DOK6: variants seen among roughly 807,000 people sequenced by gnomAD.
DOK6 encodes docking protein 6.
A neutral mutation model predicts 44.0 loss-of-function variants in DOK6; 22 were observed. That is an observed-to-expected ratio of 0.50 (90% CI 0.36 to 0.71). DOK6 has a LOEUF of 0.71. DOK6 is among the 30% of genes least tolerant of loss of function. DOK6 has a pLI of 0.00. For synonymous variants in DOK6, 166 were observed against 145.5 expected, an observed-to-expected ratio of 1.14 and a Z score of -1.01; for missense variants, 340 against 416.4, an observed-to-expected ratio of 0.82 and a Z score of 1.60.
At chr18:69,838,596 G>A (rs1982117151) in intron 7 of DOK6, among the ~76,000 whole-genome samples, 1 of 152,060 alleles carries the variant, frequency 6.6e-6, no homozygotes, top group Admixed American at 6.5e-5. Flanking sequence ...TAAGCTAAGT[G>A]CCACTATACC....
chr18:69,646,630 T>C (rs576260775), intron 3 of DOK6, among the ~76,000 whole-genome samples: 13 of 152,304 alleles, frequency 8.5e-5, no homozygotes, highest in Non-Finnish European at 1.8e-4. Context: ...GCTAAACTTC[T>C]GCTAATTTTA....
At chr18:69,655,514 A>C (rs1273694825) in intron 3 of DOK6, among the ~76,000 whole-genome samples, 1 of 152,090 alleles carries the variant, frequency 6.6e-6, no homozygotes, top group African/African-American at 2.4e-5. Flanking sequence ...GCATGTTGGG[A>C]GGTCGAGGTG....
intron 2 of DOK6, among the ~76,000 whole-genome samples, chr18:69,569,622 T>C (rs1983066639): frequency 2.0e-5 from 3 of 152,246 alleles, no homozygotes; most frequent in Non-Finnish European, 4.4e-5. Flanking sequence ...TAAAACCAGC[T>C]ATTATGCCTA....
chr18:69,412,415 G>T (rs953245549), intron 1 of DOK6, among the ~76,000 whole-genome samples: 1 of 152,022 alleles, frequency 6.6e-6, no homozygotes, highest in South Asian at 2.1e-4. Flanking sequence ...ACTTTTGAGG[G>T]TTATTTTTTC....
At chr18:69,723,449 T>C (rs1447071355) in intron 5 of DOK6, among the ~76,000 whole-genome samples, 1 of 152,216 alleles carries the variant, frequency 6.6e-6, no homozygotes, top group East Asian at 1.9e-4. Flanking sequence ...GCAAACTCTC[T>C]GATGGGGACA....
intron 5 of DOK6, among the ~76,000 whole-genome samples, chr18:69,729,431 T>C (rs1286982424): frequency 1.3e-5 from 2 of 152,244 alleles, no homozygotes; most frequent in Non-Finnish European, 2.9e-5. Flanking sequence ...CCAACATGTT[T>C]GTCTTTTTAG....
At chr18:69,559,679 C>T (rs35138051) in intron 1 of DOK6, among the ~76,000 whole-genome samples, 2 of 151,990 alleles carry the variant, frequency 1.3e-5, no homozygotes, top group African/African-American at 2.4e-5. Flanking sequence ...GCTTCTGTAA[C>T]AAAATTTCAT....
intron 1 of DOK6, among the ~76,000 whole-genome samples, chr18:69,424,448 T>C (rs1421573376): frequency 6.6e-6 from 1 of 152,224 alleles, no homozygotes; most frequent in Non-Finnish European, 1.5e-5. Flanking sequence ...TAGTTTTCTA[T>C]GTGACATCTT....
At chr18:69,606,148 C>T (rs1397654774) in intron 3 of DOK6, among the ~76,000 whole-genome samples, 5 of 151,510 alleles carry the variant, frequency 3.3e-5, no homozygotes, top group Admixed American at 6.6e-5. Context: ...GGTGCATGCC[C>T]GTAGTCCCAG....
intron 1 of DOK6, among the ~76,000 whole-genome samples, chr18:69,480,817 T>C (rs976389573): frequency 1.1e-4 from 17 of 152,078 alleles, no homozygotes; most frequent in African/African-American, 3.4e-4. Context: ...GTATGTGATA[T>C]TGGTTAGGAC....
intron 7 of DOK6, among the ~76,000 whole-genome samples, chr18:69,836,483 GAT>G (rs2145136799): frequency 1.3e-5 from 2 of 151,802 alleles, no homozygotes; most frequent in African/African-American, 4.9e-5. Flanking sequence ...AGATAAATGT[GAT>G]ATGTTTTTTT....
chr18:69,502,634 G>C (rs1330803640), intron 1 of DOK6, among the ~76,000 whole-genome samples: 1 of 152,026 alleles, frequency 6.6e-6, no homozygotes, highest in East Asian at 1.9e-4. Context: ...TACAATCTAA[G>C]GAGTGGATCA....
At position 69,572,974 on chromosome 18, in the gene DOK6, G is replaced by C. The variant is rs17081246; in HGVS notation, c.174+8380G>C. On this transcript the variant is annotated intron_variant, in intron 2 of 7. Coordinates refer to ENST00000382713, the MANE Select transcript of DOK6 (RefSeq NM_152721.6). ...AAGTTTTGAGCCACGACATGTAGCA[G>C]GTATGTTTTCAAATATGACATATAT... Among the ~76,000 whole-genome samples the C allele has an allele frequency of 7.4e-3, 1,121 of 151,142 alleles. 8 individuals are homozygous for C. Among genetic ancestry groups the C allele is most frequent in the Non-Finnish European group, 0.012 (832 of 67,700 alleles).
intron 6 of DOK6, among the ~76,000 whole-genome samples, chr18:69,749,544 T>A (rs1361897274): frequency 6.6e-6 from 1 of 152,186 alleles, no homozygotes; most frequent in Non-Finnish European, 1.5e-5. Context: ...GGAATGTCGA[T>A]TGATATTAAT....
intron 7 of DOK6, among the ~76,000 whole-genome samples, chr18:69,775,190 C>T (rs2144769811): frequency 6.6e-6 from 1 of 152,006 alleles, no homozygotes; most frequent in African/African-American, 2.4e-5. Flanking sequence ...AGAATAAATA[C>T]TAAATTGATT....
chr18:69,789,960 C>T (rs1980543879), intron 7 of DOK6, among the ~76,000 whole-genome samples: 1 of 152,096 alleles, frequency 6.6e-6, no homozygotes, highest in African/African-American at 2.4e-5. Flanking sequence ...CTTTTGATCC[C>T]CTATGACTTC....
intron 7 of DOK6, among the ~76,000 whole-genome samples, chr18:69,799,619 A>G (rs1032525690): frequency 1.3e-5 from 2 of 152,136 alleles, no homozygotes; most frequent in African/African-American, 4.8e-5. Flanking sequence ...AAACTCTATA[A>G]AGAAAACTAC....
At chr18:69,406,330 C>T (rs1717927685) in intron 1 of DOK6, among the ~76,000 whole-genome samples, 2 of 152,128 alleles carry the variant, frequency 1.3e-5, no homozygotes, top group African/African-American at 2.4e-5. Context: ...AAAAACATCC[C>T]TCTGTCTGCA....
chr18:69,588,065 G>T (rs1983546353), intron 2 of DOK6, among the ~76,000 whole-genome samples: 1 of 152,080 alleles, frequency 6.6e-6, no homozygotes, highest in South Asian at 2.1e-4. Context: ...TCAGAATAAT[G>T]GCTATTGCAT....
Sources: gnomAD v4.1 joint callset for allele counts (sites outside exome capture counted in the v4.1 genomes callset) on GRCh38, gnomAD v4.1.1 for gene constraint, MANE v1.5 for transcripts, NCBI Gene and HGNC (gene_info 2026-07-23, HGNC 2026-07-21) for gene names.